AKAP9: variants seen among roughly 807,000 people sequenced by gnomAD.
AKAP9 encodes A-kinase anchor protein 9.
AKAP9 carries 311 observed loss-of-function variants against 488.5 expected under a neutral mutation model. The ratio of observed to expected loss-of-function variants is 0.64; its 90% confidence interval spans 0.58 to 0.70. The LOEUF (loss-of-function observed/expected upper bound fraction) is 0.70. Ranked by LOEUF, AKAP9 falls within the 30% of genes least tolerant of loss-of-function variation. The pLI is 0.00. For missense variants in AKAP9, 4,215 were observed against 4,374.5 expected, an observed-to-expected ratio of 0.96 and a Z score of 1.03; for synonymous variants, 1,462 against 1,483.5, an observed-to-expected ratio of 0.99 and a Z score of 0.33.
intron 2 of AKAP9, 100 bp downstream of exon 2, chr7:91,974,068 T>C: frequency 1.4e-6 from 2 of 1,431,268 alleles, no homozygotes; most frequent in South Asian, 1.2e-5. Context: ...ATGATTTTTA[T>C]GTCCTCTTGA....
intron 26 of AKAP9, among the ~76,000 whole-genome samples, chr7:92,067,228 G>A (rs1584402411): frequency 6.6e-6 from 1 of 152,166 alleles, no homozygotes; most frequent in East Asian, 1.9e-4. Context: ...CTCCACATTT[G>A]TATTTCTATC....
At chr7:92,021,558 C>T (rs1802319735) in intron 12 of AKAP9, among the ~76,000 whole-genome samples, 1 of 152,120 alleles carries the variant, frequency 6.6e-6, no homozygotes, top group Admixed American at 6.5e-5. Context: ...CCCGCCTCAG[C>T]CCCTCAAGTA....
rs1011219362 is a variant in AKAP9 at position 92,042,925 on chromosome 7, A to G, written c.5162+154A>G. Reference sequence around the variant, plus strand: ...TGAAACATGTCCATGTATGTGTAGTATGTAAAGGATTTTCAGTTTTTCATC... The same window carrying G: ...TGAAACATGTCCATGTATGTGTAGTGTGTAAAGGATTTTCAGTTTTTCATC... On this transcript the variant is annotated intron_variant, in intron 20 of 49. Coordinates refer to ENST00000356239, the MANE Select transcript of AKAP9 (RefSeq NM_005751.5). The G allele has an allele frequency of 6.4e-5, 33 of 512,316 alleles. 1 individual carries two copies. The South Asian group carries it at 7.4e-4, about 12-fold the overall frequency. The allele number at this position is 512,316 out of a possible 1,614,324, so 31.7% of individuals were successfully genotyped here.
At chr7:92,020,524 A>AC (rs2130726090) in intron 12 of AKAP9, among the ~76,000 whole-genome samples, 1 of 152,170 alleles carries the variant, frequency 6.6e-6, no homozygotes, top group Admixed American at 6.5e-5. Flanking sequence ...ATACTTGATT[A>AC]CCCTTCTGTC....
At chr7:91,995,512 A>G in intron 6 of AKAP9, 91 bp from the exon 7 acceptor site, 1 of 1,132,560 alleles carries the variant, frequency 8.8e-7, no homozygotes, top group South Asian at 1.3e-5. Context: ...CAGAGTTCCC[A>G]GAGAGCTATT....
In AKAP9 at chr7:91,973,761, C is replaced by T; in HGVS notation, c.99C>T (p.Ser33=). ...RKAQSDGQSP[S]KKQKKKRKTS... ...CTCAGTCGGATGGGCAGAGTCCTTC[C>T]AAGAAGCAGAAAAAAAAGAGAAAAA... Residue 33 remains serine (S), a synonymous_variant, in exon 2 of 50, where the codon TCC becomes TCT. Transcript: ENST00000356239. 1.2e-6 allele frequency: 2 copies of T among 1,613,660 alleles called. No homozygotes were observed. The highest frequency in any genetic ancestry group is 1.7e-6 in the Non-Finnish European group (2 of 1,179,946).
intron 24 of AKAP9, 149 bp downstream of exon 24, chr7:92,062,635 A>C (rs1810078159): frequency 1.7e-5 from 12 of 687,524 alleles, no homozygotes; most frequent in Non-Finnish European, 2.4e-5. Context: ...TACCTTAGAG[A>C]TAAATGTCTT....
chr7:92,086,041 G>A lies in AKAP9; in HGVS notation c.9025-187G>A, dbSNP rs949258178. Among the ~76,000 whole-genome samples the A allele has an allele frequency of 4.6e-5, 7 of 152,220 alleles. No homozygotes were observed. In the South Asian group the frequency reaches 1.5e-3, roughly 32 times the overall value. On this transcript the variant is annotated intron_variant, in intron 36 of 49. Coordinates refer to ENST00000356239, the MANE Select transcript of AKAP9 (RefSeq NM_005751.5). ...GGAGGTGGAGGTTGCAGTGAGCTGA[G>A]ATCATGCCACTGCACTCCAGCCTGA...
intron 1 of AKAP9, 24 bp downstream of exon 1, chr7:91,941,171 G>T (rs1051592543): frequency 6.2e-7 from 1 of 1,611,978 alleles, no homozygotes; most frequent in African/African-American, 1.3e-5. Flanking sequence ...AGGCAACCGG[G>T]CCTGCGGTGG....
intron 17 of AKAP9, 83 bp from the exon 18 acceptor site, chr7:92,040,591 T>G: frequency 1.0e-6 from 1 of 970,992 alleles, no homozygotes. Flanking sequence ...TGCTTTCGTA[T>G]TTGTTTACAA....
intron 14 of AKAP9, among the ~76,000 whole-genome samples, 169 bp downstream of exon 14, chr7:92,023,178 T>C (rs1802576327): frequency 2.0e-5 from 3 of 152,200 alleles, no homozygotes; most frequent in Non-Finnish European, 4.4e-5. Context: ...ATCTTTGAAA[T>C]GCCTGAAAAA....
chr7:92,073,684 A>G (rs558112291), intron 28 of AKAP9, among the ~76,000 whole-genome samples: 1 of 152,302 alleles, frequency 6.6e-6, no homozygotes, highest in Admixed American at 6.5e-5. Flanking sequence ...ACTAAACTAG[A>G]GCCTGACTGA....
Position 92,000,855 on chromosome 7 carries a change from A to G in AKAP9, c.938A>G (p.Asp313Gly), listed in dbSNP as rs1799069782. 3 of 1,390,508 alleles carry G rather than the reference A, an allele frequency of 2.2e-6. No individual in the cohort carries two copies. Among genetic ancestry groups the G allele is most frequent in the Non-Finnish European group, 2.9e-6 (3 of 1,033,760 alleles). The allele number at this position is 1,390,508 out of a possible 1,614,324, so 86.1% of individuals were successfully genotyped here. Residue 313 changes from aspartate (D) to glycine (G), a missense_variant, in exon 8 of 50, where the codon GAT becomes GGT. Asp to Gly is a moderately conservative substitution (Grantham distance 94). Coordinates refer to ENST00000356239, the MANE Select transcript of AKAP9 (RefSeq NM_005751.5). ...TCATTTTTTTTCCTAAAGGAACAAG[A>G]TAAAAAAGTAGAAAACTCAAATAAA... ...EKIKVYEMEQ[D>G]KKVENSNKEE...
chr7:92,048,944 G>A (rs888398582), intron 21 of AKAP9, among the ~76,000 whole-genome samples: 1 of 152,060 alleles, frequency 6.6e-6, no homozygotes, highest in Non-Finnish European at 1.5e-5. Context: ...GTCTCCCAGG[G>A]CTTCAGTACA....
intron 22 of AKAP9, among the ~76,000 whole-genome samples, chr7:92,059,547 G>T (rs1218487846): frequency 6.6e-6 from 1 of 151,586 alleles, no homozygotes; most frequent in Non-Finnish European, 1.5e-5. Flanking sequence ...GAACATAGAA[G>T]CAAAGGCTTA....
chr7:92,102,630 C>T lies in AKAP9; in HGVS notation c.11134C>T (p.Arg3712Ter), dbSNP rs1234676587. Residue 3712 changes from arginine (R) to a stop codon, truncating the protein, a stop_gained, in exon 46 of 50, where the codon CGA becomes TGA. Transcript: ENST00000356239. LOFTEE classifies it high-confidence loss of function. ...YGKYLRAESFRKALIYQKKYL... is the reference protein window; with the variant it reads ...YGKYLRAESF ...TAAATACTTGAGGGCAGAAAGTTTTCGAAAGGCTCTCATTTACCAGAAGAA... is the reference window on the plus strand; with the variant it reads ...TAAATACTTGAGGGCAGAAAGTTTTTGAAAGGCTCTCATTTACCAGAAGAA... The T allele has an allele frequency of 5.0e-6, 8 of 1,614,052 alleles. No homozygotes were observed. The highest frequency in any genetic ancestry group is 6.8e-6 in the Non-Finnish European group (8 of 1,180,038).
At chr7:92,089,359 T>G in intron 37 of AKAP9, 26 bp from the exon 38 acceptor site, 1 of 1,610,900 alleles carries the variant, frequency 6.2e-7, no homozygotes, top group Non-Finnish European at 8.5e-7. Context: ...TGCTCTTCAC[T>G]TGTTTTTTAC....
intron 22 of AKAP9, among the ~76,000 whole-genome samples, chr7:92,055,067 T>C (rs556405369): frequency 4.5e-4 from 69 of 152,140 alleles, no homozygotes; most frequent in African/African-American, 1.6e-3. Context: ...TTTAGAGCCA[T>C]AGGAGGTTAT....
Position 91,941,115 on chromosome 7 carries a change from A to G in AKAP9, c.16A>G (p.Arg6Gly), listed in dbSNP as rs1790687131. 1 of 1,613,790 alleles carries G rather than the reference A, an allele frequency of 6.2e-7. No homozygotes were observed. The highest frequency in any genetic ancestry group is 1.1e-5 in the South Asian group (1 of 91,078). Residue 6 changes from arginine (R) to glycine (G), a missense_variant, in exon 1 of 50, where the codon AGA (arginine) becomes GGA (glycine). Arg to Gly is a moderately radical substitution (Grantham distance 125, BLOSUM62 -2). Around this residue, in one of 5 missense-constraint regions of AKAP9, gnomAD observed 2,361 missense variants for 2,430.0 expected, o/e 0.97. Coordinates refer to ENST00000356239, the MANE Select transcript of AKAP9 (RefSeq NM_005751.5). MEDEE[R>G]QKKLEAGKAK... ...TGCAGAGGCCATGGAGGACGAGGAG[A>G]GACAGAAGAAGCTGGAGGCCGGCAA...
Sources: gnomAD v4.1 joint callset for allele counts (sites outside exome capture counted in the v4.1 genomes callset) on GRCh38, gnomAD v4.1.1 for gene constraint, gnomAD v4.1.1 regional missense constraint, MANE v1.5 for transcripts, NCBI Gene and HGNC (gene_info 2026-07-23, HGNC 2026-07-21) for gene names.